Variants in PALMD observed in about 807,000 individuals in gnomAD.
PALMD encodes the protein paralemmin-like protein.
Under a neutral mutation model 56.2 loss-of-function variants are expected in PALMD, and 42 were observed. That is an observed-to-expected ratio of 0.75 (90% CI 0.58 to 0.97). The LOEUF (loss-of-function observed/expected upper bound fraction) is 0.97. Ranked by LOEUF, PALMD falls within the 50% of genes least tolerant of loss-of-function variation. The pLI is 0.00. For missense variants in PALMD, 660 were observed against 643.8 expected, an observed-to-expected ratio of 1.03 and a Z score of -0.27; for synonymous variants, 242 against 222.9, an observed-to-expected ratio of 1.09 and a Z score of -0.76.
At chr1:99,683,059 AGAGAGAGAGAGAGAG>A (rs1653394177) in intron 3 of PALMD, among the ~76,000 whole-genome samples, 1 of 16,224 alleles carries the variant, frequency 6.2e-5, no homozygotes, top group African/African-American at 5.6e-4. Flanking sequence ...AAAGAAAGAG[AGAGAGAGAGAGAGAG>A]AGAGAGAGAG....
chr1:99,670,415 A>G (rs1191575635), intron 3 of PALMD, among the ~76,000 whole-genome samples: 1 of 152,296 alleles, frequency 6.6e-6, no homozygotes, highest in East Asian at 1.9e-4. Flanking sequence ...AAGTGCCAAC[A>G]CCTCCATTTC....
At chr1:99,692,169 T>G (rs1375462748) in intron 7 of PALMD, among the ~76,000 whole-genome samples, 1 of 152,194 alleles carries the variant, frequency 6.6e-6, no homozygotes. Context: ...TAGTTGGCTT[T>G]CTTTGGTAGT....
chr1:99,690,100 G>A (rs1382807356), intron 7 of PALMD: 6 of 484,480 alleles, frequency 1.2e-5, no homozygotes, highest in Non-Finnish European at 1.4e-5. Flanking sequence ...ATATTGTATT[G>A]AGGAACTTTA....
intron 1 of PALMD, among the ~76,000 whole-genome samples, chr1:99,657,022 A>C (rs992678101): frequency 6.6e-6 from 1 of 152,152 alleles, no homozygotes; most frequent in African/African-American, 2.4e-5. Flanking sequence ...TATCAGACTG[A>C]TCCAAAATAA....
At chr1:99,657,115 A>T (rs1652743897) in intron 1 of PALMD, among the ~76,000 whole-genome samples, 1 of 152,102 alleles carries the variant, frequency 6.6e-6, no homozygotes. Context: ...TTTTCTTTTC[A>T]TAAAAAATGT....
intron 1 of PALMD, among the ~76,000 whole-genome samples, chr1:99,647,274 G>C (rs1652462139): frequency 6.6e-6 from 1 of 152,130 alleles, no homozygotes; most frequent in African/African-American, 2.4e-5. Context: ...ACTGACATTA[G>C]GTATAGGAAA....
intron 3 of PALMD, among the ~76,000 whole-genome samples, chr1:99,672,123 G>A (rs1557670958): frequency 6.6e-6 from 1 of 152,088 alleles, no homozygotes; most frequent in East Asian, 1.9e-4. Context: ...TAACCTTTAA[G>A]TAAAGCATAT....
intron 3 of PALMD, chr1:99,668,024 AC>A: frequency 2.7e-6 from 1 of 366,686 alleles, no homozygotes; most frequent in Non-Finnish European, 5.0e-6. Flanking sequence ...GATGATGGGC[AC>A]CCACAACCAA....
intron 3 of PALMD, among the ~76,000 whole-genome samples, chr1:99,683,106 G>T (rs1274406380): frequency 2.2e-5 from 2 of 92,788 alleles, no homozygotes; most frequent in South Asian, 7.4e-4. Context: ...AAGAAAGAAA[G>T]AAAGAAAGAA....
intron 1 of PALMD, among the ~76,000 whole-genome samples, chr1:99,650,048 G>A (rs527626944): frequency 1.3e-5 from 2 of 152,210 alleles, no homozygotes; most frequent in Admixed American, 1.3e-4. Flanking sequence ...TGTGAGGAGT[G>A]GGGATGGGAG....
intron 2 of PALMD, among the ~76,000 whole-genome samples, chr1:99,665,085 C>T (rs572293174): frequency 1.3e-5 from 2 of 152,042 alleles, no homozygotes; most frequent in Admixed American, 1.3e-4. Flanking sequence ...TCTCATGTTA[C>T]CAGGAAACAC....
rs557764147 is a variant in PALMD, at chr1:99,693,939, C to G, written c.1613-80C>G. The G allele has an allele frequency of 1.5e-5, 14 of 926,148 alleles. No individual in the cohort carries two copies. In the South Asian group the frequency reaches 1.9e-4, roughly 12 times the overall value. The allele number at this position is 926,148 out of a possible 1,614,324, so 57.4% of individuals were successfully genotyped here. Reference sequence around the variant, plus strand: ...CCATCTGAGGTATGTTCTAAACTTTCCTGCATTCTATGAATGGCCATTTAG... The same window carrying G: ...CCATCTGAGGTATGTTCTAAACTTTGCTGCATTCTATGAATGGCCATTTAG... On this transcript the variant is annotated intron_variant, in intron 7 of 7. Coordinates refer to ENST00000263174, the MANE Select transcript of PALMD (RefSeq NM_017734.5).
chr1:99,674,742 A>T (rs1653164933), intron 3 of PALMD, among the ~76,000 whole-genome samples: 1 of 152,216 alleles, frequency 6.6e-6, no homozygotes, highest in African/African-American at 2.4e-5. Context: ...AGTTGTCATA[A>T]ATCTTTGGCT....
intron 6 of PALMD, among the ~76,000 whole-genome samples, chr1:99,688,403 G>T (rs1242455247): frequency 1.3e-5 from 2 of 152,082 alleles, no homozygotes; most frequent in African/African-American, 4.8e-5. Context: ...GATTGATTCT[G>T]CCCATTGAGA....
At chr1:99,655,033 G>T (rs1652687072) in intron 1 of PALMD, among the ~76,000 whole-genome samples, 1 of 151,980 alleles carries the variant, frequency 6.6e-6, no homozygotes, top group Admixed American at 6.6e-5. Flanking sequence ...ATGCAGTATT[G>T]GTACCAGAAT....
At chr1:99,667,545 G>T (rs754851253) in intron 2 of PALMD, 97 bp from the exon 3 acceptor site, 1 of 949,854 alleles carries the variant, frequency 1.1e-6, no homozygotes, top group African/African-American at 1.7e-5. Context: ...CCTCTTTAAC[G>T]TGTCACCTAT....
At chr1:99,658,603 C>G (rs981724932) in intron 1 of PALMD, among the ~76,000 whole-genome samples, 1 of 151,960 alleles carries the variant, frequency 6.6e-6, no homozygotes, top group African/African-American at 2.4e-5. Context: ...AACCCCGTCT[C>G]TACTAAAAAT....
chr1:99,647,422 G>A (rs551062425), intron 1 of PALMD, among the ~76,000 whole-genome samples: 2 of 152,216 alleles, frequency 1.3e-5, no homozygotes, highest in East Asian at 3.9e-4. Flanking sequence ...GTTTCACCCA[G>A]GAAACATTCA....
At chr1:99,693,406 A>C (rs1219132416) in intron 7 of PALMD, among the ~76,000 whole-genome samples, 1 of 152,224 alleles carries the variant, frequency 6.6e-6, no homozygotes, top group East Asian at 1.9e-4. Context: ...TGCTTTCTAC[A>C]TTCAATATAT....
Sources: gnomAD v4.1 joint callset for allele counts (sites outside exome capture counted in the v4.1 genomes callset) on GRCh38, gnomAD v4.1.1 for gene constraint, MANE v1.5 for transcripts, NCBI Gene and HGNC (gene_info 2026-07-23, HGNC 2026-07-21) for gene names.